CTNND2: variants seen among roughly 807,000 people sequenced by gnomAD.
CTNND2 encodes catenin delta 2.
Under a neutral mutation model 144.4 loss-of-function variants are expected in CTNND2, and 22 were observed. That is an observed-to-expected ratio of 0.15 (90% CI 0.11 to 0.22). The LOEUF (loss-of-function observed/expected upper bound fraction) is 0.22. CTNND2 is among the 10% of genes least tolerant of loss of function. CTNND2 has a pLI of 1.00. For missense variants in CTNND2, 1,353 were observed against 1,618.8 expected (o/e 0.84, Z 2.82); for synonymous variants, 751 against 695.6 (o/e 1.08, Z -1.25).
intron 15 of CTNND2, among the ~76,000 whole-genome samples, chr5:11,095,009 TA>T (rs1751192136): frequency 6.6e-6 from 1 of 152,268 alleles, no homozygotes; most frequent in South Asian, 2.1e-4. Context: ...CTGGAAACAG[TA>T]AGAGGCTATT....
intron 2 of CTNND2, among the ~76,000 whole-genome samples, chr5:11,632,749 A>T (rs1781478698): frequency 6.6e-6 from 1 of 152,204 alleles, no homozygotes; most frequent in African/African-American, 2.4e-5. Context: ...CATGAATTAA[A>T]GGAATATATT....
chr5:11,322,472 G>A (rs938620018), intron 9 of CTNND2, among the ~76,000 whole-genome samples: 3 of 152,126 alleles, frequency 2.0e-5, no homozygotes, highest in African/African-American at 7.2e-5. Flanking sequence ...AAAGACTGGT[G>A]ATATAAATGC....
In CTNND2 at chr5:11,364,708, G is replaced by A. The variant is rs202234398; in HGVS notation, c.1360C>T (p.Arg454Cys). Reference sequence around the variant, plus strand: ...CCTGATTACACACCTGTGCTCGTGCGGTAGGTGCCGGTGTGTGCTGGCGGC... The same window carrying A: ...CCTGATTACACACCTGTGCTCGTGCAGTAGGTGCCGGTGTGTGCTGGCGGC... ...PLPPAHTGTY[R>C]TSTAPSSPGV... The change falls in exon 8 of 22, where the codon CGC (arginine) becomes TGC (cysteine). Residue 454 changes from arginine to cysteine, a missense_variant. By Grantham distance (180) the Arg-to-Cys change is radical. Around this residue, in one of 4 missense-constraint regions of CTNND2, gnomAD observed 708 missense variants for 706.4 expected, o/e 1.00. Transcript: ENST00000304623. 99 of 1,612,292 alleles carry A rather than the reference G, an allele frequency of 6.1e-5. No homozygotes were observed. In the East Asian group the frequency reaches 1.8e-3, roughly 29 times the overall value.
At chr5:11,802,403 A>C (rs1356152358) in intron 1 of CTNND2, among the ~76,000 whole-genome samples, 6 of 151,506 alleles carry the variant, frequency 4.0e-5, no homozygotes, top group African/African-American at 4.9e-5. Flanking sequence ...CCCCGTCCCT[A>C]CTAAAAGTGC....
At chr5:11,121,880 C>G (rs1754179267) in intron 12 of CTNND2, among the ~76,000 whole-genome samples, 1 of 152,158 alleles carries the variant, frequency 6.6e-6, no homozygotes, top group Non-Finnish European at 1.5e-5. Context: ...ATTAGCCTCT[C>G]CCTTCACACA....
intron 7 of CTNND2, among the ~76,000 whole-genome samples, chr5:11,374,618 C>T (rs1176019014): frequency 6.6e-6 from 1 of 152,054 alleles, no homozygotes; most frequent in Non-Finnish European, 1.5e-5. Context: ...GGATAAAATT[C>T]AACAAGTGGC....
chr5:11,445,261 T>C (rs970645650), intron 3 of CTNND2, among the ~76,000 whole-genome samples: 1 of 152,174 alleles, frequency 6.6e-6, no homozygotes, highest in Non-Finnish European at 1.5e-5. Flanking sequence ...TTCTCCTCTG[T>C]GTGTCCAGGT....
chr5:11,417,303 T>C (rs1762007772), intron 3 of CTNND2, among the ~76,000 whole-genome samples: 1 of 152,154 alleles, frequency 6.6e-6, no homozygotes, highest in South Asian at 2.1e-4. Flanking sequence ...ACTATTCCAG[T>C]CATACATTTG....
chr5:11,676,431 GGA>G (rs1462318911), intron 2 of CTNND2, among the ~76,000 whole-genome samples: 1 of 152,078 alleles, frequency 6.6e-6, no homozygotes, highest in Non-Finnish European at 1.5e-5. Flanking sequence ...CAGGGGTTAA[GGA>G]GGAGGCCAGT....
chr5:11,598,218 T>C (rs1285429396), intron 2 of CTNND2, among the ~76,000 whole-genome samples: 1 of 152,160 alleles, frequency 6.6e-6, no homozygotes, highest in Non-Finnish European at 1.5e-5. Context: ...CATTTATAGT[T>C]TTAAGTTTGT....
intron 3 of CTNND2, among the ~76,000 whole-genome samples, chr5:11,464,327 T>C (rs1201537744): frequency 6.6e-6 from 1 of 152,010 alleles, no homozygotes; most frequent in Admixed American, 6.5e-5. Flanking sequence ...TAAAGTACTG[T>C]GAGGGGTTTC....
intron 2 of CTNND2, among the ~76,000 whole-genome samples, chr5:11,705,924 G>C (rs1785670270): frequency 6.6e-6 from 1 of 152,166 alleles, no homozygotes; most frequent in Non-Finnish European, 1.5e-5. Context: ...CTTGGGAATA[G>C]ACTCACTCTA....
intron 2 of CTNND2, among the ~76,000 whole-genome samples, chr5:11,579,211 C>G (rs978337175): frequency 1.3e-5 from 2 of 150,512 alleles, no homozygotes; most frequent in Admixed American, 6.6e-5. Flanking sequence ...TACAGCCTAG[C>G]AAAGGATAGA....
intron 7 of CTNND2, among the ~76,000 whole-genome samples, chr5:11,382,813 G>A (rs969825057): frequency 3.3e-5 from 5 of 152,002 alleles, no homozygotes; most frequent in South Asian, 2.1e-4. Flanking sequence ...ACTTCACAAC[G>A]CCTCGAATGG....
chr5:11,851,965 C>G (rs6870916), intron 1 of CTNND2, among the ~76,000 whole-genome samples: 36,565 of 152,194 alleles, frequency 0.24, 4,658 homozygotes, highest in Admixed American at 0.29. Flanking sequence ...ACATTCTCCT[C>G]CTACCTCAAG....
At chr5:11,363,376 T>C (rs1318140014) in intron 8 of CTNND2, among the ~76,000 whole-genome samples, 21 of 152,212 alleles carry the variant, frequency 1.4e-4, no homozygotes, top group Non-Finnish European at 2.9e-5. Flanking sequence ...AAATTAGATA[T>C]TGAATGTCAC....
intron 3 of CTNND2, among the ~76,000 whole-genome samples, chr5:11,429,899 A>C (rs993115702): frequency 5.3e-5 from 8 of 152,104 alleles, no homozygotes; most frequent in African/African-American, 1.9e-4. Flanking sequence ...AGAAAAACAA[A>C]TGTAATTTTT....
chr5:10,988,017 G>A lies in CTNND2; in HGVS notation c.3343+94C>T, dbSNP rs1242777597. On this transcript the variant is annotated intron_variant, in intron 20 of 21. Coordinates refer to ENST00000304623, the MANE Select transcript of CTNND2 (RefSeq NM_001332.4). The surrounding 1 kb of genome is among the most constrained non-coding windows in gnomAD (Gnocchi z 5.9). ...GCTAAGTCCTGCTCAGCAGCCAAGCGCAGCCAGCCCCGTGAAGCCTGATGT... is the reference window on the plus strand; with the variant it reads ...GCTAAGTCCTGCTCAGCAGCCAAGCACAGCCAGCCCCGTGAAGCCTGATGT... 7 of 1,528,612 alleles carry A rather than the reference G, an allele frequency of 4.6e-6. No homozygotes were observed. The highest frequency in any genetic ancestry group is 2.1e-4 in the Middle Eastern group (1 of 4,856). 94.7% of individuals were successfully genotyped at this position (1,528,612 alleles called of 1,614,324 possible).
rs1757512605 is a variant in CTNND2 at position 11,371,961 on chromosome 5, T to C, written c.1178-7071A>G. Among the ~76,000 whole-genome samples the C allele has an allele frequency of 2.6e-5, 4 of 152,298 alleles. No homozygotes were observed. The South Asian group carries it at 8.3e-4, about 32-fold the overall frequency. On this transcript the variant is annotated intron_variant, in intron 7 of 21. Coordinates refer to ENST00000304623, the MANE Select transcript of CTNND2 (RefSeq NM_001332.4). ...TTTTGGAAAGAAAAAAATGCCCTCCTATTTCATCATATTTCATAAATGTTA... is the reference window on the plus strand; with the variant it reads ...TTTTGGAAAGAAAAAAATGCCCTCCCATTTCATCATATTTCATAAATGTTA...
Sources: allele counts gnomAD v4.1 joint callset (sites outside exome capture counted in the v4.1 genomes callset), GRCh38; gene constraint gnomAD v4.1.1; regional missense constraint gnomAD v4.1.1; non-coding constraint Gnocchi (gnomAD v3.1); transcripts MANE v1.5; gene names NCBI Gene and HGNC (gene_info 2026-07-23, HGNC 2026-07-21).